Variants in CSMD1 observed in about 807,000 individuals in gnomAD.
CSMD1 encodes CUB and Sushi multiple domains 1, also known as CUB and sushi domain-containing protein 1.
In CSMD1, 213 loss-of-function variants were observed where a neutral mutation model predicts 417.5. The observed-to-expected ratio is 0.51, with a 90% confidence interval of 0.46 to 0.57. The LOEUF is 0.57. Ranked by LOEUF, CSMD1 falls within the 20% of genes least tolerant of loss-of-function variation. CSMD1 has a pLI of 0.00. For synonymous variants in CSMD1, 2,862 were observed against 1,736.8 expected (o/e 1.65, Z -16.11); for missense variants, 6,923 against 4,529.7 (o/e 1.53, Z -15.17).
intron 18 of CSMD1, among the ~76,000 whole-genome samples, chr8:3,377,348 G>C (rs942403591): frequency 1.3e-5 from 2 of 152,108 alleles, no homozygotes; most frequent in African/African-American, 2.4e-5. Flanking sequence ...TTTATACTGA[G>C]AAACATGTTC....
rs756897201 is a variant in CSMD1 at position 4,419,852 on chromosome 8, C to T, written c.415+101G>A. 41 of 809,352 alleles carry T rather than the reference C, an allele frequency of 5.1e-5. 1 individual carries two copies. The Middle Eastern group carries it at 2.3e-3, about 46-fold the overall frequency. 50.1% of individuals were successfully genotyped at this position (809,352 alleles called of 1,614,324 possible). ...GCCAAATGTCTACACCACGGAACGA[C>T]CTGCGACATAGCAGCCTAGTTTGTC... is the stretch of plus-strand genomic sequence containing the variant. On this transcript the variant is annotated intron_variant, in intron 3 of 69. Transcript: ENST00000635120.
intron 7 of CSMD1, among the ~76,000 whole-genome samples, chr8:3,668,439 T>C (rs1202138471): frequency 6.6e-6 from 1 of 152,036 alleles, no homozygotes; most frequent in Non-Finnish European, 1.5e-5. Flanking sequence ...GCTGAAGAGA[T>C]GAGGGTTTAT....
At chr8:4,671,258 G>T (rs536368996) in intron 1 of CSMD1, among the ~76,000 whole-genome samples, 1 of 152,068 alleles carries the variant, frequency 6.6e-6, no homozygotes, top group African/African-American at 2.4e-5. Flanking sequence ...TAATTTCTTG[G>T]TGACTATTAG....
intron 6 of CSMD1, among the ~76,000 whole-genome samples, chr8:3,736,791 G>C (rs1584924526): frequency 6.6e-6 from 1 of 152,356 alleles, no homozygotes; most frequent in African/African-American, 2.4e-5. Flanking sequence ...CATCTGCAAA[G>C]TGGGAGTGGC....
At chr8:3,472,545 G>A (rs745921283) in intron 11 of CSMD1, among the ~76,000 whole-genome samples, 2 of 151,926 alleles carry the variant, frequency 1.3e-5, no homozygotes, top group African/African-American at 2.4e-5. Flanking sequence ...TCCTGTATGT[G>A]TGCACAAGAA....
chr8:4,146,780 T>G (rs1804162750), intron 3 of CSMD1, among the ~76,000 whole-genome samples: 1 of 149,050 alleles, frequency 6.7e-6, no homozygotes, highest in Admixed American at 6.6e-5. Flanking sequence ...CTCGACTAAT[T>G]TTTTGTATTT....
rs552404082 is a variant in CSMD1 at position 2,937,696 on chromosome 8, C to G, written c.*889G>C. ...TTGGACCTCTTCAATGAATTCAACA[C>G]GTAAATGGAGCTAATTGAAGCAATA... On this transcript the variant is annotated 3_prime_UTR_variant, in exon 70 of 70. Transcript: ENST00000635120. 1.3e-5 allele frequency: 2 copies of G among 152,232 alleles called. No homozygotes were observed. Among genetic ancestry groups the G allele is most frequent in the Non-Finnish European group, 2.9e-5 (2 of 68,016 alleles). The allele number at this position is 152,232 out of a possible 1,614,324, so 9.4% of individuals were successfully genotyped here.
At chr8:3,068,508 G>T (rs146657858) in intron 49 of CSMD1, among the ~76,000 whole-genome samples, 1 of 152,062 alleles carries the variant, frequency 6.6e-6, no homozygotes, top group Non-Finnish European at 1.5e-5. Context: ...GGCCATTCTC[G>T]CATTGCTATA....
intron 3 of CSMD1, among the ~76,000 whole-genome samples, chr8:4,050,421 G>A (rs1798365212): frequency 6.6e-6 from 1 of 151,816 alleles, no homozygotes; most frequent in African/African-American, 2.4e-5. Context: ...TTTAATTTTT[G>A]TTTTTTGCAT....
rs371631411 is a variant in CSMD1, at chr8:4,041,768, G to C, written c.416-9669C>G. Among the ~76,000 whole-genome samples, 5 of 152,042 alleles carry C rather than the reference G, an allele frequency of 3.3e-5. No individual in the cohort carries two copies. In the East Asian group the frequency reaches 9.6e-4, roughly 29 times the overall value. On this transcript the variant is annotated intron_variant, in intron 3 of 69. Coordinates refer to ENST00000635120, the MANE Select transcript of CSMD1 (RefSeq NM_033225.6). ...CAGTCAGGTGATGATGGAACATGTTGTCTTGAGACATGGGAAATATTAAAA... is the reference window on the plus strand; with the variant it reads ...CAGTCAGGTGATGATGGAACATGTTCTCTTGAGACATGGGAAATATTAAAA...
intron 1 of CSMD1, among the ~76,000 whole-genome samples, chr8:4,800,285 G>T (rs745336880): frequency 6.6e-6 from 1 of 151,880 alleles, no homozygotes; most frequent in African/African-American, 2.4e-5. Context: ...CAAAAAATTA[G>T]CTGGGCATGG....
At chr8:3,092,986 A>G (rs1815053085) in intron 47 of CSMD1, among the ~76,000 whole-genome samples, 1 of 152,170 alleles carries the variant, frequency 6.6e-6, no homozygotes, top group African/African-American at 2.4e-5. Context: ...GTGCAAAGAT[A>G]CTGAGAAACC....
rs553122405 is a variant in CSMD1 at position 3,854,042 on chromosome 8, A to G, written c.819-100000T>C. ...ATTATAAATATATTAAATATAATAT[A>G]CTAAAGTATATGTATATTATATTTA... On this transcript the variant is annotated intron_variant, in intron 5 of 69. Transcript: ENST00000635120. Among the ~76,000 whole-genome samples, 436 of 146,172 alleles carry G rather than the reference A, an allele frequency of 3.0e-3. 2 individuals carry two copies. The highest frequency in any genetic ancestry group is 6.9e-3 in the South Asian group (33 of 4,772).
intron 3 of CSMD1, among the ~76,000 whole-genome samples, chr8:4,398,616 C>T (rs1007333651): frequency 2.0e-5 from 3 of 151,980 alleles, no homozygotes; most frequent in Non-Finnish European, 4.4e-5. Flanking sequence ...AGGATTGTCT[C>T]GATCTCCTGA....
intron 4 of CSMD1, among the ~76,000 whole-genome samples, chr8:4,009,305 C>T (rs919992808): frequency 1.3e-5 from 2 of 152,090 alleles, no homozygotes; most frequent in Admixed American, 6.6e-5. Context: ...TTTTTGTGCC[C>T]CTTTTGTGGG....
chr8:4,392,325 C>G (rs909607137), intron 3 of CSMD1, among the ~76,000 whole-genome samples: 3 of 151,946 alleles, frequency 2.0e-5, no homozygotes, highest in African/African-American at 7.3e-5. Context: ...ACCATGGGGA[C>G]CACGGATATG....
In CSMD1 at chr8:3,481,983, G is replaced by C. The variant is rs530163908; in HGVS notation, c.1448+11640C>G. Among the ~76,000 whole-genome samples the C allele has an allele frequency of 2.0e-5, 3 of 152,260 alleles. No homozygotes were observed. In the East Asian group the frequency reaches 5.8e-4, roughly 29 times the overall value. On this transcript the variant is annotated intron_variant, in intron 11 of 69. Transcript: ENST00000635120. ...TAAATGTATCAGTAGACTGTTATAA[G>C]TCACATATGTTTATTGTAATGCCCA...
At chr8:4,546,791 A>C (rs1019937580) in intron 2 of CSMD1, among the ~76,000 whole-genome samples, 5 of 151,886 alleles carry the variant, frequency 3.3e-5, no homozygotes, top group Non-Finnish European at 5.9e-5. Context: ...ATAATATATA[A>C]AAATATATGC....
chr8:4,203,096 T>G (rs1254757592), intron 3 of CSMD1, among the ~76,000 whole-genome samples: 2 of 152,230 alleles, frequency 1.3e-5, no homozygotes, highest in Non-Finnish European at 1.5e-5. Flanking sequence ...TGCAGTTATC[T>G]GTGTGGGTTC....
Sources: allele counts gnomAD v4.1 joint callset (sites outside exome capture counted in the v4.1 genomes callset), GRCh38; gene constraint gnomAD v4.1.1; transcripts MANE v1.5; gene names NCBI Gene and HGNC (gene_info 2026-07-23, HGNC 2026-07-21).